COL24A1: variants seen among roughly 807,000 people sequenced by gnomAD.
COL24A1 encodes collagen type XXIV alpha 1 chain, also known as collagen alpha-1(XXIV) chain.
COL24A1 carries 224 observed loss-of-function variants against 253.9 expected under a neutral mutation model. The observed-to-expected ratio is 0.88, with a 90% CI of 0.79 to 0.99. COL24A1 has a LOEUF of 0.99. Ranked by LOEUF, COL24A1 falls within the 50% of genes least tolerant of loss-of-function variation. The pLI, the probability that COL24A1 is intolerant of heterozygous loss-of-function variation, is 0.00. For missense variants in COL24A1, 2,131 were observed against 2,068.5 expected, an observed-to-expected ratio of 1.03 and a Z score of -0.59; for synonymous variants, 685 against 673.7, an observed-to-expected ratio of 1.02 and a Z score of -0.26.
At chr1:85,747,101 CTT>C (rs34758363) in intron 55 of COL24A1, among the ~76,000 whole-genome samples, 2,501 of 111,246 alleles carry the variant, frequency 0.022, 53 homozygotes, top group African/African-American at 0.069. Flanking sequence ...TGAATTATAA[CTT>C]TTTTTTTTTT....
intron 37 of COL24A1, among the ~76,000 whole-genome samples, chr1:85,863,788 G>C (rs1259789324): frequency 3.3e-5 from 5 of 152,104 alleles, no homozygotes; most frequent in African/African-American, 9.7e-5. Flanking sequence ...CCAACAGACA[G>C]ATGAAACAAT....
chr1:85,738,559 A>C (rs1197851551), intron 57 of COL24A1, among the ~76,000 whole-genome samples: 1 of 152,202 alleles, frequency 6.6e-6, no homozygotes, highest in African/African-American at 2.4e-5. Flanking sequence ...ATAGACTGAG[A>C]GTATTAAAAT....
chr1:85,866,022 G>C (rs1368680819), intron 37 of COL24A1, among the ~76,000 whole-genome samples: 4 of 152,206 alleles, frequency 2.6e-5, no homozygotes, highest in Admixed American at 6.5e-5. Flanking sequence ...CAGCACTTTG[G>C]GAGGCCAAAG....
chr1:86,102,516 T>C (rs1448307680), intron 5 of COL24A1, among the ~76,000 whole-genome samples: 1 of 152,130 alleles, frequency 6.6e-6, no homozygotes, highest in Non-Finnish European at 1.5e-5. Context: ...ATATGGGTGT[T>C]TAGTGCAATA....
chr1:86,034,060 T>G (rs1054465084), intron 12 of COL24A1, 137 bp from the exon 13 acceptor site: 7 of 553,510 alleles, frequency 1.3e-5, no homozygotes, highest in Non-Finnish European at 1.8e-5. Context: ...TTCTTTTGCA[T>G]AACACGCTTA....
At chr1:85,927,198 C>A (rs999321261) in intron 24 of COL24A1, among the ~76,000 whole-genome samples, 1 of 151,960 alleles carries the variant, frequency 6.6e-6, no homozygotes. Flanking sequence ...GAGTGCCAGA[C>A]AGTGGGCGGA....
intron 39 of COL24A1, among the ~76,000 whole-genome samples, chr1:85,846,169 C>T (rs1311509522): frequency 6.6e-6 from 1 of 151,720 alleles, no homozygotes; most frequent in Admixed American, 6.6e-5. Context: ...ATTGGAACAA[C>T]TGTCTATAAG....
At chr1:85,830,571 G>A (rs1456766051) in intron 43 of COL24A1, among the ~76,000 whole-genome samples, 3 of 152,122 alleles carry the variant, frequency 2.0e-5, no homozygotes, top group East Asian at 1.9e-4. Context: ...AGCAATCAGC[G>A]AGACTCCGTG....
intron 9 of COL24A1, 57 bp downstream of exon 9, chr1:86,059,064 T>C (rs372822154): frequency 1.8e-6 from 2 of 1,137,792 alleles, no homozygotes; most frequent in Non-Finnish European, 2.5e-6. Flanking sequence ...AAATCAGAAA[T>C]ACAATGTATT....
chr1:85,767,454 T>C (rs1667498683), intron 53 of COL24A1, among the ~76,000 whole-genome samples: 1 of 152,186 alleles, frequency 6.6e-6, no homozygotes, highest in Non-Finnish European at 1.5e-5. Flanking sequence ...AGAAAAGGTT[T>C]AACGGCACAT....
intron 53 of COL24A1, among the ~76,000 whole-genome samples, chr1:85,768,579 C>A (rs1174617769): frequency 5.0e-5 from 2 of 40,096 alleles, no homozygotes; most frequent in Admixed American, 5.7e-4. Context: ...TTTGTTAGTT[C>A]TTTTGTGCGG....
intron 19 of COL24A1, among the ~76,000 whole-genome samples, chr1:86,015,883 CTTTT>C (rs34005326): frequency 2.2e-4 from 30 of 136,216 alleles, no homozygotes; most frequent in Admixed American, 3.7e-4. Context: ...TCTACTTTTT[CTTTT>C]TTTTTTTTTT....
chr1:85,901,823 T>TAAAA (rs1684326982), intron 28 of COL24A1, among the ~76,000 whole-genome samples: 1 of 4,020 alleles, frequency 2.5e-4, no homozygotes, highest in Non-Finnish European at 6.3e-4. Flanking sequence ...AGACTCCGTC[T>TAAAA]CAAAAAAAAA....
Position 86,092,302 on chromosome 1 carries a change from C to G in COL24A1, c.1618G>C (p.Gly540Arg), listed in dbSNP as rs1419909721. 1 of 1,606,312 alleles carries G rather than the reference C, an allele frequency of 6.2e-7. No homozygotes were observed. Among genetic ancestry groups the G allele is most frequent in the South Asian group, 1.1e-5 (1 of 90,314 alleles). The change falls in exon 6 of 60, where the codon GGA (glycine) becomes CGA (arginine). Residue 540 changes from glycine to arginine, a missense_variant. Physicochemically the swap from Gly to Arg is moderately radical, Grantham distance 125. Transcript: ENST00000370571. ...PGPKGPKGDPGFSPGQPVPGE... is the reference protein window; with the variant it reads ...PGPKGPKGDPRFSPGQPVPGE... Reference sequence around the variant, plus strand: ...GGAACAGGTTGACCTGGGGAAAATCCTGGATCTCCTTTGGGGCCCTAAATA... The same window carrying G: ...GGAACAGGTTGACCTGGGGAAAATCGTGGATCTCCTTTGGGGCCCTAAATA...
At chr1:85,786,006 G>C (rs1433824052) in intron 48 of COL24A1, among the ~76,000 whole-genome samples, 1 of 152,186 alleles carries the variant, frequency 6.6e-6, no homozygotes, top group Non-Finnish European at 1.5e-5. Flanking sequence ...AAAAGGAATT[G>C]TATTTGAGAA....
At chr1:85,990,997 T>G (rs1295841811) in intron 19 of COL24A1, among the ~76,000 whole-genome samples, 1 of 152,210 alleles carries the variant, frequency 6.6e-6, no homozygotes, top group Non-Finnish European at 1.5e-5. Flanking sequence ...AAAATCTCCA[T>G]TTTGCAATGA....
chr1:85,892,516 T>A (rs1187483483), intron 31 of COL24A1, among the ~76,000 whole-genome samples: 1 of 152,026 alleles, frequency 6.6e-6, no homozygotes, highest in African/African-American at 2.4e-5. Flanking sequence ...GAAACACAAA[T>A]CTTCAGAAAG....
intron 32 of COL24A1, among the ~76,000 whole-genome samples, chr1:85,883,162 GTCT>G (rs956530866): frequency 1.3e-3 from 192 of 151,400 alleles, no homozygotes; most frequent in East Asian, 3.5e-3. Flanking sequence ...TTCTTCTTTC[GTCT>G]TCTTCTTCTT....
intron 1 of COL24A1, among the ~76,000 whole-genome samples, chr1:86,152,530 T>G: frequency 6.6e-6 from 1 of 152,310 alleles, no homozygotes; most frequent in East Asian, 1.9e-4. Flanking sequence ...TCCAAAAAAA[T>G]TCAAAATCCC....
Sources: gnomAD v4.1 joint callset for allele counts (sites outside exome capture counted in the v4.1 genomes callset) on GRCh38, gnomAD v4.1.1 for gene constraint, MANE v1.5 for transcripts, NCBI Gene and HGNC (gene_info 2026-07-23, HGNC 2026-07-21) for gene names.